Variants in VPS13D observed in about 807,000 individuals in gnomAD.
VPS13D encodes intermembrane lipid transfer protein VPS13D.
Under a neutral mutation model 461.9 loss-of-function variants are expected in VPS13D, and 187 were observed. The ratio of observed to expected loss-of-function variants is 0.40; its 90% CI spans 0.36 to 0.46. The LOEUF is 0.46. Among genes scored for constraint, VPS13D ranks in the 20% least tolerant of loss-of-function variants. The probability of loss-of-function intolerance (pLI) is 0.60; values close to 1 mark genes in which losing one functional copy is unlikely to be tolerated. For synonymous variants in VPS13D, 1,951 were observed against 1,986.3 expected, an observed-to-expected ratio of 0.98 and a Z score of 0.47; for missense variants, 4,711 against 5,364.9, an observed-to-expected ratio of 0.88 and a Z score of 3.81.
At chr1:12,376,171 T>C (rs1024191083) in intron 55 of VPS13D, among the ~76,000 whole-genome samples, 2 of 152,220 alleles carry the variant, frequency 1.3e-5, no homozygotes, top group Non-Finnish European at 2.9e-5. Flanking sequence ...TTTCTGTTTC[T>C]GTGAACAGAG....
chr1:12,506,445 C>T (rs940216002), intron 68 of VPS13D, among the ~76,000 whole-genome samples: 1 of 152,204 alleles, frequency 6.6e-6, no homozygotes, highest in Non-Finnish European at 1.5e-5. Context: ...TAACGCCAGG[C>T]TGTCTCTTCA....
At chr1:12,232,611 T>C (rs1488013749) in intron 1 of VPS13D, among the ~76,000 whole-genome samples, 2 of 151,768 alleles carry the variant, frequency 1.3e-5, no homozygotes, top group Non-Finnish European at 2.9e-5. Flanking sequence ...TCCCTCATGT[T>C]GACTTTTTGT....
In VPS13D at chr1:12,477,325, A is replaced by G. The variant is rs540823549; in HGVS notation, c.12662+16929A>G. Among the ~76,000 whole-genome samples the G allele has an allele frequency of 5.3e-5, 8 of 152,250 alleles. 1 individual carries two copies. The highest frequency in any genetic ancestry group is 1.9e-4 in the African/African-American group (8 of 41,538). On this transcript the variant is annotated intron_variant, in intron 67 of 69. Transcript: ENST00000620676. ...CTTGGGCCTTCGTTAGAAGAGTTCTAGTAATCATTTCAGACTTCCAAAATT... is the reference window on the plus strand; with the variant it reads ...CTTGGGCCTTCGTTAGAAGAGTTCTGGTAATCATTTCAGACTTCCAAAATT...
At position 12,338,172 on chromosome 1, in the gene VPS13D, GTCT is replaced by G. The variant is rs1252534473; in HGVS notation, c.8552-54_8552-52del. The stretch of plus-strand genomic sequence containing the variant: ...ATTTGTGCTTATCGTTTGGAAGCAA[GTCT>G]TCTTATTTCACTGTATTTATTCTTA... On this transcript the variant is annotated intron_variant, in intron 39 of 69. Transcript: ENST00000620676. 4 of 1,460,406 alleles carry G rather than the reference GTCT, an allele frequency of 2.7e-6. No individual in the cohort carries two copies. The African/African-American group carries it at 4.2e-5, about 15-fold the overall frequency. 90.5% of individuals were successfully genotyped at this position (1,460,406 alleles called of 1,614,324 possible).
At chr1:12,346,265 T>C (rs959873212) in intron 43 of VPS13D, among the ~76,000 whole-genome samples, 6 of 152,192 alleles carry the variant, frequency 3.9e-5, no homozygotes, top group African/African-American at 1.4e-4. Flanking sequence ...GCCCCAAGTT[T>C]CTTACAAAAA....
At chr1:12,371,096 A>G (rs897111318) in intron 54 of VPS13D, among the ~76,000 whole-genome samples, 6 of 152,172 alleles carry the variant, frequency 3.9e-5, no homozygotes, top group African/African-American at 1.2e-4. Context: ...TTTAAAGTGA[A>G]CAGTTCAGTG....
intron 63 of VPS13D, chr1:12,407,257 T>C (rs959645426): frequency 6.6e-6 from 1 of 152,230 alleles, no homozygotes; most frequent in African/African-American, 2.4e-5. Context: ...TCCAGACAGT[T>C]TTGTTTAGTG....
chr1:12,349,306 G>T lies in VPS13D; in HGVS notation c.9363G>T (p.Lys3121Asn). The change falls in exon 46 of 70, where the codon AAG becomes AAT. Residue 3121 changes from lysine to asparagine, a missense_variant. By Grantham distance (94) the Lys-to-Asn change is moderately conservative. This residue lies in a region of VPS13D where 4,411 missense variants were observed against 4,937.8 expected (regional missense o/e 0.89). Transcript: ENST00000620676. ...CCATTCATTGGACCAATGTAGTGAA[G>T]ACTGCAGAAATTAGTAGCAGTAAAC... Reference protein sequence around the residue: ...KAPIHWTNVVKTAEISSSKRE... With the variant: ...KAPIHWTNVVNTAEISSSKRE... 1 of 1,614,172 alleles carries T rather than the reference G, an allele frequency of 6.2e-7. No individual in the cohort carries two copies. Among genetic ancestry groups the T allele is most frequent in the Non-Finnish European group, 8.5e-7 (1 of 1,180,040 alleles).
At position 12,414,438 on chromosome 1, in the gene VPS13D, G is replaced by A. The variant is rs147248744; in HGVS notation, c.12031-649G>A. Among the ~76,000 whole-genome samples the A allele has an allele frequency of 5.1e-3, 780 of 152,262 alleles. 9 individuals carry two copies. Among genetic ancestry groups the A allele is most frequent in the South Asian group, 0.017 (84 of 4,820 alleles). The stretch of plus-strand genomic sequence containing the variant: ...ATGGAGTATTTATATGGCAATGGAC[G>A]TTAACAAACTACAGCTATATGCAAC... On this transcript the variant is annotated intron_variant, in intron 63 of 69. Coordinates refer to ENST00000620676, the MANE Select transcript of VPS13D (RefSeq NM_015378.4).
Position 12,356,424 on chromosome 1 carries a change from A to G in VPS13D, c.9898A>G (p.Asn3300Asp). The change falls in exon 49 of 70, where the codon AAT (asparagine) becomes GAT (aspartate). Residue 3300 changes from asparagine (N) to aspartate (D), a missense_variant. Around this residue, in one of 3 missense-constraint regions of VPS13D, gnomAD observed 4,411 missense variants for 4,937.8 expected, o/e 0.89. Coordinates refer to ENST00000620676, the MANE Select transcript of VPS13D (RefSeq NM_015378.4). ...TGLPLIFRQD[N>D]AKTDAAGQFE... ...GTTGCCACTGATCTTCAGACAGGAC[A>G]ATGCCAAGACAGATGCTGCAGGCCA... 6.2e-7 allele frequency: 1 copy of G among 1,614,042 alleles called. No homozygotes were observed. The highest frequency in any genetic ancestry group is 2.2e-5 in the East Asian group (1 of 44,886).
At chr1:12,354,664 T>C (rs1643870808) in intron 47 of VPS13D, among the ~76,000 whole-genome samples, 1 of 152,248 alleles carries the variant, frequency 6.6e-6, no homozygotes. Flanking sequence ...AGTCATTTCA[T>C]CTTTTTAAAC....
Position 12,449,231 on chromosome 1 carries a change from C to T in VPS13D, c.12334-6767C>T, listed in dbSNP as rs147706804. ...TGCCTGTATTGTTTTTATTCAGGGT[C>T]CCCTTTCTGGATTCCTCCCCTTTTT... On this transcript the variant is annotated intron_variant, in intron 65 of 69. Coordinates refer to ENST00000620676, the MANE Select transcript of VPS13D (RefSeq NM_015378.4). 2.0e-5 allele frequency among the ~76,000 whole-genome samples: 3 copies of T among 152,048 alleles called. No homozygotes were observed. The East Asian group carries it at 5.8e-4, about 29-fold the overall frequency.
At chr1:12,431,368 A>T (rs1444721282) in intron 65 of VPS13D, among the ~76,000 whole-genome samples, 1 of 151,538 alleles carries the variant, frequency 6.6e-6, no homozygotes, top group Non-Finnish European at 1.5e-5. Flanking sequence ...CTCTCAAATT[A>T]TAGGTAGAGA....
rs202226521 is a variant in VPS13D at position 12,311,669 on chromosome 1, C to T, written c.6822+44C>T. The stretch of plus-strand genomic sequence containing the variant: ...TCTTCTGTCACTCTCATAGTCTCAG[C>T]TGACGGTCACCCTGTGTATCTATTC... On this transcript the variant is annotated intron_variant, in intron 28 of 69. Transcript: ENST00000620676. 4.3e-5 allele frequency: 69 copies of T among 1,607,128 alleles called. No homozygotes were observed. The African/African-American group carries it at 8.4e-4, about 20-fold the overall frequency.
rs556442579 is a variant in VPS13D at position 12,293,323 on chromosome 1, C to G, written c.5853-201C>G. ...CTAGAGCTGTCCACCTGTTTATACT[C>G]CTGGCTATCACACCTTTATCCCATC... On this transcript the variant is annotated intron_variant, in intron 23 of 69. Transcript: ENST00000620676. Among the ~76,000 whole-genome samples the G allele has an allele frequency of 5.9e-5, 9 of 152,308 alleles. No homozygotes were observed. The East Asian group carries it at 1.5e-3, about 26-fold the overall frequency.
chr1:12,275,717 TAAAC>T (rs1641589694), intron 18 of VPS13D, 104 bp from the exon 19 acceptor site: 5 of 1,175,268 alleles, frequency 4.3e-6, no homozygotes, highest in Non-Finnish European at 5.8e-6. Context: ...TCAGTTTTCT[TAAAC>T]AAACTGGGGT....
rs115074287 is a variant in VPS13D at position 12,365,971 on chromosome 1, A to G, written c.10449-2497A>G. ...CAGGCTTGAGTGCAGTGGTGCAATCATAGTTCACTGTGACTTTGAACACCT... is the reference window on the plus strand; with the variant it reads ...CAGGCTTGAGTGCAGTGGTGCAATCGTAGTTCACTGTGACTTTGAACACCT... On this transcript the variant is annotated intron_variant, in intron 52 of 69. Coordinates refer to ENST00000620676, the MANE Select transcript of VPS13D (RefSeq NM_015378.4). 5.6e-3 allele frequency among the ~76,000 whole-genome samples: 850 copies of G among 152,126 alleles called. 7 individuals are homozygous for G. Among genetic ancestry groups the G allele is most frequent in the African/African-American group, 0.019 (773 of 41,500 alleles).
intron 5 of VPS13D, among the ~76,000 whole-genome samples, chr1:12,248,786 A>C (rs1640640592): frequency 6.6e-6 from 1 of 152,236 alleles, no homozygotes; most frequent in African/African-American, 2.4e-5. Context: ...ACATAGAGGC[A>C]AGATGAAGAT....
In VPS13D at chr1:12,460,205, C is replaced by T. The variant is rs895166946; in HGVS notation, c.12471C>T (p.Ile4157=). The part of the protein sequence containing the change: ...VAGIHGLAHG[I]IGGLTSVITS... Reference sequence around the variant, plus strand: ...AGCCCTTGTCTTTTTCACTAGGTATCATTGGTGGACTGACCAGTGTTATAA... The same window carrying T: ...AGCCCTTGTCTTTTTCACTAGGTATTATTGGTGGACTGACCAGTGTTATAA... The change falls in exon 67 of 70, where the codon ATC becomes ATT. Residue 4157 remains isoleucine (I), a synonymous_variant. Coordinates refer to ENST00000620676, the MANE Select transcript of VPS13D (RefSeq NM_015378.4). 8 of 1,573,000 alleles carry T rather than the reference C, an allele frequency of 5.1e-6. No individual in the cohort carries two copies. The highest frequency in any genetic ancestry group is 6.9e-6 in the Non-Finnish European group (8 of 1,159,116).
Sources: allele counts gnomAD v4.1 joint callset (sites outside exome capture counted in the v4.1 genomes callset), GRCh38; gene constraint gnomAD v4.1.1; regional missense constraint gnomAD v4.1.1; transcripts MANE v1.5; gene names NCBI Gene and HGNC (gene_info 2026-07-23, HGNC 2026-07-21).